Variants in DAB1 observed in about 807,000 individuals in gnomAD.
The protein encoded by DAB1 is disabled homolog 1.
DAB1 carries 15 observed loss-of-function variants against 64.6 expected under a neutral mutation model. The observed-to-expected ratio is 0.23, with a 90% CI of 0.16 to 0.36. The LOEUF (loss-of-function observed/expected upper bound fraction) is 0.36, where lower values mean the gene tolerates loss of function less well. DAB1 is among the 10% of genes least tolerant of loss of function. DAB1 has a pLI of 1.00. For synonymous variants in DAB1, 235 were observed against 251.9 expected (o/e 0.93, Z 0.64); for missense variants, 596 against 706.7 (o/e 0.84, Z 1.78).
chr1:57,777,036 T>G (rs752533082), intron 6 of DAB1, among the ~76,000 whole-genome samples: 1 of 151,432 alleles, frequency 6.6e-6, no homozygotes, highest in Non-Finnish European at 1.5e-5. Flanking sequence ...CTAAAAAAAT[T>G]CCAATATTGT....
At chr1:57,590,735 A>AAC (rs58957864) in intron 7 of DAB1, among the ~76,000 whole-genome samples, 9,199 of 132,302 alleles carry the variant, frequency 0.07, 324 homozygotes, top group African/African-American at 0.091. Context: ...TGTAGTCCGT[A>AAC]ACACACACAC....
intron 1 of DAB1, among the ~76,000 whole-genome samples, chr1:57,413,476 T>C (rs1684264237): frequency 6.6e-6 from 1 of 152,130 alleles, no homozygotes; most frequent in Admixed American, 6.5e-5. Context: ...GCGCGGTGGC[T>C]CATGCCTGTA....
At chr1:57,061,883 A>G (rs191266728) in intron 9 of DAB1, among the ~76,000 whole-genome samples, 6 of 152,312 alleles carry the variant, frequency 3.9e-5, no homozygotes, top group Non-Finnish European at 8.8e-5. Context: ...TGTCAGGGAC[A>G]GAGCTGACAT....
chr1:57,559,279 C>T (rs1645024576), intron 7 of DAB1, among the ~76,000 whole-genome samples: 1 of 152,120 alleles, frequency 6.6e-6, no homozygotes, highest in Admixed American at 6.6e-5. Context: ...AATGGATCAT[C>T]GTTTGAATGA....
chr1:57,195,419 T>A (rs912368032), intron 2 of DAB1, among the ~76,000 whole-genome samples: 1 of 152,262 alleles, frequency 6.6e-6, no homozygotes, highest in Non-Finnish European at 1.5e-5. Context: ...ACTTCAGATA[T>A]ACAAGGCTGA....
chr1:57,314,911 A>G (rs1395855349), intron 1 of DAB1, among the ~76,000 whole-genome samples: 3 of 152,188 alleles, frequency 2.0e-5, no homozygotes, highest in African/African-American at 7.2e-5. Flanking sequence ...AAACAATAAT[A>G]TAATAGTCCC....
intron 5 of DAB1, among the ~76,000 whole-genome samples, chr1:58,078,998 C>G (rs1649819702): frequency 6.6e-6 from 1 of 152,174 alleles, no homozygotes; most frequent in African/African-American, 2.4e-5. Context: ...GAATAACTCA[C>G]AGGATCAAGA....
chr1:57,109,048 T>C (rs933787980), intron 4 of DAB1, among the ~76,000 whole-genome samples: 1 of 152,182 alleles, frequency 6.6e-6, no homozygotes, highest in Non-Finnish European at 1.5e-5. Flanking sequence ...GGGACTTCCA[T>C]CCTGCTATGG....
At chr1:58,080,515 G>C (rs1245032197) in intron 5 of DAB1, among the ~76,000 whole-genome samples, 2 of 152,220 alleles carry the variant, frequency 1.3e-5, no homozygotes, top group Non-Finnish European at 2.9e-5. Context: ...CTGTAACCTT[G>C]CCAAGGCAAT....
intron 5 of DAB1, among the ~76,000 whole-genome samples, chr1:58,017,682 C>T (rs941019000): frequency 6.6e-6 from 1 of 152,158 alleles, no homozygotes. Flanking sequence ...CTTCCTAGGG[C>T]TACCCTGGGG....
chr1:58,506,275 T>C (rs778340237), intron 2 of DAB1: 2 of 731,784 alleles, frequency 2.7e-6, no homozygotes, highest in Non-Finnish European at 2.3e-6. Flanking sequence ...AAACTACTAC[T>C]TTATTTTTTT....
intron 2 of DAB1, among the ~76,000 whole-genome samples, chr1:57,207,710 C>T (rs867451033): frequency 2.0e-5 from 3 of 152,148 alleles, no homozygotes; most frequent in Middle Eastern, 3.4e-3. Flanking sequence ...TCCCAAAGTG[C>T]TGGGATTACA....
At chr1:57,507,681 C>T (rs1484069254) in intron 7 of DAB1, among the ~76,000 whole-genome samples, 1 of 152,140 alleles carries the variant, frequency 6.6e-6, no homozygotes, top group East Asian at 1.9e-4. Flanking sequence ...TTTTAGGTTG[C>T]ACTTTCTCCT....
chr1:57,857,122 G>T (rs1328436070), intron 1 of DAB1, among the ~76,000 whole-genome samples: 1 of 152,184 alleles, frequency 6.6e-6, no homozygotes, highest in East Asian at 1.9e-4. Flanking sequence ...AAAGAAGTTG[G>T]TAAGAGTATA....
chr1:57,058,153 T>C (rs1009046146), intron 9 of DAB1, among the ~76,000 whole-genome samples: 2 of 151,956 alleles, frequency 1.3e-5, no homozygotes, highest in Non-Finnish European at 2.9e-5. Context: ...GGTGCGTGAG[T>C]GTGTGGGTTT....
intron 7 of DAB1, among the ~76,000 whole-genome samples, chr1:57,532,332 A>G (rs1417023751): frequency 1.3e-5 from 2 of 152,054 alleles, no homozygotes; most frequent in Non-Finnish European, 2.9e-5. Flanking sequence ...TCATTCATTC[A>G]TTCATTCATT....
At chr1:57,665,715 G>A (rs573058726) in intron 6 of DAB1, among the ~76,000 whole-genome samples, 2 of 152,038 alleles carry the variant, frequency 1.3e-5, no homozygotes, top group East Asian at 3.9e-4. Flanking sequence ...TATTTTAAGT[G>A]AAAAAGCATG....
chr1:58,369,291 G>A (rs765351902), intron 3 of DAB1, among the ~76,000 whole-genome samples: 2 of 151,728 alleles, frequency 1.3e-5, no homozygotes, highest in Admixed American at 6.6e-5. Flanking sequence ...TATTTGTCTC[G>A]CCGTTTCCTT....
intron 7 of DAB1, among the ~76,000 whole-genome samples, chr1:57,575,842 T>C (rs942323614): frequency 6.6e-6 from 1 of 152,094 alleles, no homozygotes; most frequent in Admixed American, 6.6e-5. Flanking sequence ...ATGAACAGAG[T>C]CTCTGCTCTC....
Sources: gnomAD v4.1 joint callset for allele counts (sites outside exome capture counted in the v4.1 genomes callset) on GRCh38, gnomAD v4.1.1 for gene constraint, MANE v1.5 for transcripts, NCBI Gene and HGNC (gene_info 2026-07-23, HGNC 2026-07-21) for gene names.